Variants in CRTC1 observed in about 807,000 individuals in gnomAD.
CRTC1 encodes CREB regulated transcription coactivator 1.
A neutral mutation model predicts 66.1 loss-of-function variants in CRTC1; 18 were observed. The observed-to-expected ratio is 0.27, with a 90% confidence interval of 0.19 to 0.40. The LOEUF is 0.40. Ranked by LOEUF, CRTC1 falls within the 10% of genes least tolerant of loss-of-function variation. The pLI is 1.00. For synonymous variants in CRTC1, 416 were observed against 398.8 expected (o/e 1.04, Z -0.51); for missense variants, 669 against 887.9 (o/e 0.75, Z 3.13).
At chr19:18,765,230 G>C (rs1179413807) in intron 8 of CRTC1, among the ~76,000 whole-genome samples, 174 bp from the exon 9 acceptor site, 1 of 152,174 alleles carries the variant, frequency 6.6e-6, no homozygotes, top group African/African-American at 2.4e-5. Flanking sequence ...GGGACCCTCG[G>C]GTCAGGAATC....
intron 1 of CRTC1, among the ~76,000 whole-genome samples, chr19:18,738,121 A>T (rs2054038689): frequency 6.6e-6 from 1 of 151,882 alleles, no homozygotes; most frequent in South Asian, 2.1e-4. Flanking sequence ...GGAGTTGGAG[A>T]CCAGCTGGTC....
At chr19:18,709,859 CCCTGGCCCATCAGTCCTGCCT>C (rs1314085672) in intron 1 of CRTC1, among the ~76,000 whole-genome samples, 2 of 152,196 alleles carry the variant, frequency 1.3e-5, no homozygotes, top group African/African-American at 4.8e-5. Context: ...GCCTGCCCTG[CCCTGGCCCATCAGTCCTGCCT>C]CCTCCAGCAG....
intron 1 of CRTC1, among the ~76,000 whole-genome samples, chr19:18,690,028 T>G (rs1212323539): frequency 6.7e-6 from 1 of 148,282 alleles, no homozygotes; most frequent in African/African-American, 2.5e-5. Context: ...AGCGGGTGGA[T>G]TTGGTGGCAT....
chr19:18,752,846 C>G (rs989536414), intron 5 of CRTC1, among the ~76,000 whole-genome samples: 1 of 151,892 alleles, frequency 6.6e-6, no homozygotes, highest in Non-Finnish European at 1.5e-5. Flanking sequence ...CCACGTTGGC[C>G]AGGCTGGTCT....
At chr19:18,766,671 T>C (rs1477266918) in intron 9 of CRTC1, among the ~76,000 whole-genome samples, 1 of 152,190 alleles carries the variant, frequency 6.6e-6, no homozygotes, top group Non-Finnish European at 1.5e-5. Flanking sequence ...GGTCTCGAAC[T>C]CCTGGCCTCA....
intron 1 of CRTC1, among the ~76,000 whole-genome samples, chr19:18,684,443 C>G (rs965900057): frequency 1.3e-5 from 2 of 152,060 alleles, no homozygotes; most frequent in Admixed American, 1.3e-4. Flanking sequence ...GGGGGAGGAA[C>G]GGATGTCCCC....
intron 8 of CRTC1, among the ~76,000 whole-genome samples, chr19:18,762,713 C>T (rs1223018067): frequency 1.3e-5 from 2 of 152,236 alleles, no homozygotes; most frequent in African/African-American, 4.8e-5. Flanking sequence ...CCAGCTGGCT[C>T]TGTGCCTGTT....
chr19:18,770,657 G>A (rs1020328965), intron 10 of CRTC1, among the ~76,000 whole-genome samples: 3 of 151,998 alleles, frequency 2.0e-5, no homozygotes, highest in African/African-American at 4.8e-5. Context: ...ATGTGAATGT[G>A]TGTGCATGTG....
chr19:18,717,315 C>A (rs1329037979), intron 1 of CRTC1, among the ~76,000 whole-genome samples: 1 of 152,016 alleles, frequency 6.6e-6, no homozygotes, highest in Non-Finnish European at 1.5e-5. Context: ...TGTGTGGGAG[C>A]CAGGACTGGG....
chr19:18,768,939 C>G lies in CRTC1; in HGVS notation c.1320+146C>G. The G allele has an allele frequency of 9.6e-7, 1 of 1,042,872 alleles. No individual in the cohort carries two copies. The highest frequency in any genetic ancestry group is 1.4e-6 in the Non-Finnish European group (1 of 738,920). The allele number at this position is 1,042,872 out of a possible 1,614,324, so 64.6% of individuals were successfully genotyped here. On this transcript the variant is annotated intron_variant, in intron 10 of 13. Coordinates refer to ENST00000321949, the MANE Select transcript of CRTC1 (RefSeq NM_015321.3). The surrounding 1 kb of genome is among the most constrained non-coding windows in gnomAD (Gnocchi z 5.6). The stretch of plus-strand genomic sequence containing the variant: ...TGCCTGGGCCCACCTCTCCACGGGG[C>G]TACCCCTTGGAATCAAACTGAGACT...
In CRTC1 at chr19:18,779,131, G is replaced by A. The variant is rs879146736; in HGVS notation, c.*1749G>A. On this transcript the variant is annotated 3_prime_UTR_variant, in exon 14 of 14. Coordinates refer to ENST00000321949, the MANE Select transcript of CRTC1 (RefSeq NM_015321.3). Reference sequence around the variant, plus strand: ...CCCCCAAAACTGCATTGCGGCTCTCGCTCGCTCCTGCCTGCCGGGACAGCG... The same window carrying A: ...CCCCCAAAACTGCATTGCGGCTCTCACTCGCTCCTGCCTGCCGGGACAGCG... 15 of 232,346 alleles carry A rather than the reference G, an allele frequency of 6.5e-5. No homozygotes were observed. The South Asian group carries it at 2.5e-3, about 39-fold the overall frequency. 14.4% of individuals were successfully genotyped at this position (232,346 alleles called of 1,614,324 possible).
At chr19:18,750,340 G>T (rs184472879) in intron 5 of CRTC1, among the ~76,000 whole-genome samples, 2 of 152,268 alleles carry the variant, frequency 1.3e-5, no homozygotes, top group African/African-American at 4.8e-5. Context: ...CCCTGGGCCC[G>T]TCCTAGCTAT....
intron 5 of CRTC1, 84 bp from the exon 6 acceptor site, chr19:18,753,416 C>A: frequency 1.0e-6 from 1 of 977,430 alleles, no homozygotes; most frequent in South Asian, 1.4e-5. Flanking sequence ...CTCCGTGTGT[C>A]AGGGACGTGT....
intron 1 of CRTC1, among the ~76,000 whole-genome samples, chr19:18,737,392 A>G (rs565582598): frequency 3.0e-4 from 45 of 152,146 alleles, no homozygotes; most frequent in Non-Finnish European, 4.7e-4. Context: ...GATGCTGGCA[A>G]GCTCTCATCT....
intron 1 of CRTC1, among the ~76,000 whole-genome samples, chr19:18,742,176 G>A (rs1449560952): frequency 6.6e-6 from 1 of 152,168 alleles, no homozygotes; most frequent in African/African-American, 2.4e-5. Flanking sequence ...AAGGGGAGGA[G>A]GCCAGCTTCC....
intron 1 of CRTC1, among the ~76,000 whole-genome samples, chr19:18,735,836 ACTTGC>A (rs1213193118): frequency 1.3e-5 from 2 of 152,064 alleles, no homozygotes; most frequent in Admixed American, 6.5e-5. Context: ...CACAGTCACC[ACTTGC>A]CTGGAGATCT....
chr19:18,700,675 G>A (rs2053114818), intron 1 of CRTC1, among the ~76,000 whole-genome samples: 1 of 152,200 alleles, frequency 6.6e-6, no homozygotes, highest in Non-Finnish European at 1.5e-5. Context: ...GGAAATCTCT[G>A]GGAGGAAGTA....
At chr19:18,720,568 A>G (rs1271914853) in intron 1 of CRTC1, among the ~76,000 whole-genome samples, 2 of 124,550 alleles carry the variant, frequency 1.6e-5, no homozygotes, top group African/African-American at 6.3e-5. Flanking sequence ...GGGTTTCACC[A>G]TGTTAGTCAG....
In CRTC1 at chr19:18,759,605, G is replaced by T; in HGVS notation, c.665+14G>T. ...CCCCGGAATCAAGTAAGTCTCCACAGGGCCCACCCCGCACACTGCATCTGC... is the reference window on the plus strand; with the variant it reads ...CCCCGGAATCAAGTAAGTCTCCACATGGCCCACCCCGCACACTGCATCTGC... On this transcript the variant is annotated intron_variant, in intron 7 of 13. Coordinates refer to ENST00000321949, the MANE Select transcript of CRTC1 (RefSeq NM_015321.3). The T allele has an allele frequency of 6.2e-7, 1 of 1,612,218 alleles. No homozygotes were observed.
Sources: gnomAD v4.1 joint callset for allele counts (sites outside exome capture counted in the v4.1 genomes callset) on GRCh38, gnomAD v4.1.1 for gene constraint, Gnocchi (gnomAD v3.1) non-coding constraint, MANE v1.5 for transcripts, NCBI Gene and HGNC (gene_info 2026-07-23, HGNC 2026-07-21) for gene names.